The following SNTB1 variants were observed in gnomAD, a reference collection of about 807,000 sequenced individuals.
SNTB1 encodes the protein syntrophin beta 1.
In SNTB1, 36 loss-of-function variants were observed where a neutral mutation model predicts 48.9. The observed-to-expected ratio is 0.74, with a 90% CI of 0.56 to 0.97. The LOEUF is 0.97. Among genes scored for constraint, SNTB1 ranks in the 50% least tolerant of loss-of-function variants. The pLI, the probability that SNTB1 is intolerant of heterozygous loss-of-function variation, is 0.00. For missense variants in SNTB1, 786 were observed against 703.4 expected, an observed-to-expected ratio of 1.12 and a Z score of -1.33; for synonymous variants, 299 against 294.6, an observed-to-expected ratio of 1.01 and a Z score of -0.15.
intron 1 of SNTB1, among the ~76,000 whole-genome samples, chr8:120,730,876 T>G (rs1033102430): frequency 6.6e-6 from 1 of 152,028 alleles, no homozygotes; most frequent in Non-Finnish European, 1.5e-5. Context: ...TCCCAGCACT[T>G]TGGGAGGCCG....
intron 1 of SNTB1, among the ~76,000 whole-genome samples, chr8:120,702,265 A>T (rs1164105814): frequency 2.6e-5 from 4 of 152,208 alleles, no homozygotes; most frequent in African/African-American, 7.2e-5. Context: ...CATTGCTCAG[A>T]AAGTGACATG....
At chr8:120,545,134 A>G (rs1289284964) in intron 5 of SNTB1, among the ~76,000 whole-genome samples, 1 of 152,144 alleles carries the variant, frequency 6.6e-6, no homozygotes, top group Non-Finnish European at 1.5e-5. Context: ...ACTTGAGGTC[A>G]GGCGTTTGAG....
intron 2 of SNTB1, among the ~76,000 whole-genome samples, chr8:120,666,435 A>C (rs1003924904): frequency 6.6e-6 from 1 of 152,158 alleles, no homozygotes; most frequent in Non-Finnish European, 1.5e-5. Context: ...TCTAGTGAGA[A>C]ATCAGCTGCC....
At chr8:120,722,825 T>C (rs897910348) in intron 1 of SNTB1, among the ~76,000 whole-genome samples, 22 of 152,160 alleles carry the variant, frequency 1.4e-4, no homozygotes, top group African/African-American at 5.1e-4. Context: ...CCCATGCCTA[T>C]GTCCTGAATG....
At chr8:120,773,570 G>A (rs1017077376) in intron 1 of SNTB1, among the ~76,000 whole-genome samples, 1 of 152,042 alleles carries the variant, frequency 6.6e-6, no homozygotes, top group African/African-American at 2.4e-5. Flanking sequence ...TATGAGTAAG[G>A]CACCATCTGG....
intron 3 of SNTB1, among the ~76,000 whole-genome samples, chr8:120,593,326 G>A (rs978406423): frequency 3.3e-5 from 5 of 152,162 alleles, no homozygotes; most frequent in Non-Finnish European, 7.3e-5. Flanking sequence ...TGGCAGCCTC[G>A]CATGCTCACA....
intron 1 of SNTB1, among the ~76,000 whole-genome samples, chr8:120,786,225 A>C (rs1368470563): frequency 6.6e-6 from 1 of 152,120 alleles, no homozygotes; most frequent in South Asian, 2.1e-4. Context: ...GCCCTCAGGG[A>C]TTGCTACTCC....
intron 1 of SNTB1, among the ~76,000 whole-genome samples, chr8:120,719,405 G>C (rs1030443543): frequency 6.6e-6 from 1 of 152,134 alleles, no homozygotes; most frequent in African/African-American, 2.4e-5. Flanking sequence ...TCCTCATCTT[G>C]CAGATGACCT....
intron 3 of SNTB1, among the ~76,000 whole-genome samples, chr8:120,627,087 A>C (rs1816895656): frequency 2.0e-5 from 3 of 152,202 alleles, no homozygotes. Flanking sequence ...TGAACTGATT[A>C]ACAGAGGTGC....
chr8:120,741,222 G>A (rs527709726), intron 1 of SNTB1, among the ~76,000 whole-genome samples: 169 of 152,284 alleles, frequency 1.1e-3, no homozygotes, highest in African/African-American at 3.9e-3. Flanking sequence ...TCATGGCAAC[G>A]AGTCATTGAT....
chr8:120,790,879 C>CA (rs1820018536), intron 1 of SNTB1, among the ~76,000 whole-genome samples: 1 of 151,250 alleles, frequency 6.6e-6, no homozygotes, highest in Non-Finnish European at 1.5e-5. Context: ...TTAAAGAATT[C>CA]GAAAAAAATC....
chr8:120,638,281 G>C (rs1279136647), intron 2 of SNTB1: 1 of 152,160 alleles, frequency 6.6e-6, no homozygotes, highest in African/African-American at 2.4e-5. Context: ...TGGAAGAAGC[G>C]GGAAAACACA....
chr8:120,667,452 T>G (rs1817692296), intron 2 of SNTB1, among the ~76,000 whole-genome samples: 1 of 152,170 alleles, frequency 6.6e-6, no homozygotes, highest in Non-Finnish European at 1.5e-5. Context: ...CACAAAAAGA[T>G]ACAGGAGGAG....
chr8:120,654,566 C>T (rs566420763), intron 2 of SNTB1, among the ~76,000 whole-genome samples: 12 of 152,214 alleles, frequency 7.9e-5, no homozygotes, highest in African/African-American at 2.9e-4. Flanking sequence ...TGATAACAGC[C>T]CATCCCAACC....
intron 2 of SNTB1, among the ~76,000 whole-genome samples, chr8:120,657,665 C>T (rs1411920897): frequency 6.6e-6 from 1 of 152,208 alleles, no homozygotes; most frequent in Admixed American, 6.5e-5. Flanking sequence ...CAAGTACAAT[C>T]TCTCATTATG....
chr8:120,565,798 C>G (rs1463313389), intron 4 of SNTB1, among the ~76,000 whole-genome samples: 1 of 152,124 alleles, frequency 6.6e-6, no homozygotes, highest in African/African-American at 2.4e-5. Context: ...TCTGTGTCCC[C>G]CCAAAATTCA....
chr8:120,705,665 C>T (rs879517669), intron 1 of SNTB1, among the ~76,000 whole-genome samples: 3 of 152,124 alleles, frequency 2.0e-5, no homozygotes, highest in Non-Finnish European at 4.4e-5. Context: ...TTGCCATATT[C>T]TGTGATTTCT....
chr8:120,807,294 C>T (rs897303937), intron 1 of SNTB1, among the ~76,000 whole-genome samples: 1 of 152,196 alleles, frequency 6.6e-6, no homozygotes, highest in African/African-American at 2.4e-5. Flanking sequence ...ACTCCTCTGT[C>T]CCCCCTGACC....
chr8:120,575,211 G>C lies in SNTB1; in HGVS notation c.1011C>G (p.Ser337Arg), dbSNP rs1469356194. Residue 337 changes from serine to arginine, a missense_variant, in exon 4 of 7, where the codon AGC (serine) becomes AGG (arginine). By Grantham distance (110) the Ser-to-Arg change is moderately radical (BLOSUM62 -1). Transcript: ENST00000517992. ...GWLAEKVPGE[S>R]KKQWKPALVV... The stretch of plus-strand genomic sequence containing the variant: ...CCAGGGCTGGTTTCCACTGTTTCTT[G>C]CTCTCCCCTGGCACCTGAAAAAGAA... The C allele has an allele frequency of 6.2e-7, 1 of 1,613,964 alleles. No individual in the cohort carries two copies. Among genetic ancestry groups the C allele is most frequent in the African/African-American group, 1.3e-5 (1 of 74,890 alleles).
Sources: gnomAD v4.1 joint callset for allele counts (sites outside exome capture counted in the v4.1 genomes callset) on GRCh38, gnomAD v4.1.1 for gene constraint, MANE v1.5 for transcripts, NCBI Gene and HGNC (gene_info 2026-07-23, HGNC 2026-07-21) for gene names.